The following PHLPP1 variants were observed in gnomAD, a reference collection of about 807,000 sequenced individuals.
PHLPP1 encodes PH domain and leucine rich repeat protein phosphatase 1.
A neutral mutation model predicts 117.2 loss-of-function variants in PHLPP1; 42 were observed. That is an observed-to-expected ratio of 0.36 (90% CI 0.28 to 0.46). The LOEUF is 0.46. Among genes scored for constraint, PHLPP1 ranks in the 20% least tolerant of loss-of-function variants. The pLI is 1.00. For missense variants in PHLPP1, 2,084 were observed against 2,241.9 expected, an observed-to-expected ratio of 0.93 and a Z score of 1.42; for synonymous variants, 1,042 against 970.7, an observed-to-expected ratio of 1.07 and a Z score of -1.37.
chr18:62,775,850 C>T (rs980800859), intron 1 of PHLPP1, among the ~76,000 whole-genome samples: 41 of 152,126 alleles, frequency 2.7e-4, no homozygotes, highest in African/African-American at 9.7e-4. Context: ...AATGTTTATC[C>T]TCTATCTACC....
In PHLPP1 at chr18:62,920,123, AT is replaced by A. The variant is rs748049387; in HGVS notation, c.2960+12del. The stretch of plus-strand genomic sequence containing the variant: ...CTGATGAAGGCTGACAGGTAAAGCC[AT>A]TTGTCTTGTTTATCATCTGAGTCTA... On this transcript the variant is annotated intron_variant, in intron 10 of 16. Coordinates refer to ENST00000262719, the MANE Select transcript of PHLPP1 (RefSeq NM_194449.4). The A allele has an allele frequency of 1.2e-6, 2 of 1,612,098 alleles. No homozygotes were observed. The highest frequency in any genetic ancestry group is 1.3e-5 in the African/African-American group (1 of 74,950).
intron 1 of PHLPP1, among the ~76,000 whole-genome samples, chr18:62,813,060 A>G (rs1160227520): frequency 6.6e-6 from 1 of 152,254 alleles, no homozygotes; most frequent in Non-Finnish European, 1.5e-5. Context: ...GAAGTAACAG[A>G]TGGTGAAGAC....
intron 3 of PHLPP1, among the ~76,000 whole-genome samples, chr18:62,848,065 G>C (rs1168003039): frequency 6.6e-6 from 1 of 152,148 alleles, no homozygotes; most frequent in African/African-American, 2.4e-5. Context: ...CTGTTGCTTG[G>C]TTCTCAGATA....
At position 62,776,033 on chromosome 18, in the gene PHLPP1, C is replaced by T. The variant is rs149744444; in HGVS notation, c.1577-54002C>T. Among the ~76,000 whole-genome samples, 1,181 of 152,010 alleles carry T rather than the reference C, an allele frequency of 7.8e-3. 19 individuals are homozygous for T. Among genetic ancestry groups the T allele is most frequent in the African/African-American group, 0.027 (1,131 of 41,498 alleles). The stretch of plus-strand genomic sequence containing the variant: ...ATAAGATAGCCTATCTATGTCTATA[C>T]ATAGGCATAGATATATATCTATAAA... On this transcript the variant is annotated intron_variant, in intron 1 of 16. Coordinates refer to ENST00000262719, the MANE Select transcript of PHLPP1 (RefSeq NM_194449.4).
chr18:62,898,314 T>A (rs1358473787), intron 6 of PHLPP1, among the ~76,000 whole-genome samples: 3 of 150,530 alleles, frequency 2.0e-5, no homozygotes, highest in Non-Finnish European at 4.5e-5. Flanking sequence ...CATGGATTTC[T>A]TTTTTTGCTG....
intron 11 of PHLPP1, 33 bp downstream of exon 11, chr18:62,941,951 T>C: frequency 1.3e-6 from 2 of 1,520,510 alleles, no homozygotes; most frequent in Non-Finnish European, 1.8e-6. Flanking sequence ...CGTTCTGAAT[T>C]GCATTTCTCA....
intron 6 of PHLPP1, among the ~76,000 whole-genome samples, chr18:62,902,124 T>C (rs1355073240): frequency 6.6e-6 from 1 of 152,222 alleles, no homozygotes; most frequent in Non-Finnish European, 1.5e-5. Context: ...TCCCCATTAC[T>C]ACTTATTTTC....
Position 62,836,125 on chromosome 18 carries a change from AAAAT to A in PHLPP1, c.1774-2646_1774-2643del, listed in dbSNP as rs528785081. Among the ~76,000 whole-genome samples the A allele has an allele frequency of 1.2e-3, 182 of 151,904 alleles. 4 individuals are homozygous for A. The South Asian group carries it at 0.035, about 30-fold the overall frequency. ...ATATTTTTAAATTACTGGGTTTTCT[AAAAT>A]AAATAAATAAATTAATTAATTAAAA... On this transcript the variant is annotated intron_variant, in intron 2 of 16. Transcript: ENST00000262719.
At chr18:62,835,776 C>CTTTTT (rs747058557) in intron 2 of PHLPP1, among the ~76,000 whole-genome samples, 9 of 94,518 alleles carry the variant, frequency 9.5e-5, no homozygotes, top group East Asian at 2.7e-4. Flanking sequence ...TCAACTGGTT[C>CTTTTT]TTTTTTTTTT....
At chr18:62,817,100 C>T (rs1914301350) in intron 1 of PHLPP1, among the ~76,000 whole-genome samples, 1 of 152,134 alleles carries the variant, frequency 6.6e-6, no homozygotes, top group Admixed American at 6.5e-5. Context: ...CGCCACCACA[C>T]CCAGCTAATT....
chr18:62,962,276 T>TATTTC (rs1313524365), intron 13 of PHLPP1, among the ~76,000 whole-genome samples: 1 of 152,038 alleles, frequency 6.6e-6, no homozygotes, highest in East Asian at 1.9e-4. Context: ...TATTTTATTT[T>TATTTC]ATGTTCTTTT....
chr18:62,794,111 T>C (rs1306713403), intron 1 of PHLPP1, among the ~76,000 whole-genome samples: 1 of 152,208 alleles, frequency 6.6e-6, no homozygotes, highest in Non-Finnish European at 1.5e-5. Flanking sequence ...AAACCTTCTT[T>C]TAAAACTTAA....
At chr18:62,897,200 T>C (rs890079236) in intron 6 of PHLPP1, among the ~76,000 whole-genome samples, 7 of 152,182 alleles carry the variant, frequency 4.6e-5, no homozygotes, top group African/African-American at 1.7e-4. Flanking sequence ...AGTTACCTGG[T>C]ACATGTAGGG....
chr18:62,839,291 A>G (rs1054426854), intron 3 of PHLPP1: 4 of 181,566 alleles, frequency 2.2e-5, no homozygotes, highest in Admixed American at 5.5e-5. Flanking sequence ...GTTTTTTCAT[A>G]TAAATAGTCT....
At chr18:62,829,446 G>T (rs1914695903) in intron 1 of PHLPP1, among the ~76,000 whole-genome samples, 1 of 152,178 alleles carries the variant, frequency 6.6e-6, no homozygotes, top group South Asian at 2.1e-4. Flanking sequence ...ACTTGTGAAA[G>T]ATAGGCAAGA....
chr18:62,790,959 G>T (rs1278989390), intron 1 of PHLPP1, among the ~76,000 whole-genome samples: 1 of 152,168 alleles, frequency 6.6e-6, no homozygotes, highest in Non-Finnish European at 1.5e-5. Context: ...TACTACTGCA[G>T]AAATGGGACA....
intron 1 of PHLPP1, among the ~76,000 whole-genome samples, chr18:62,794,305 C>T (rs893359108): frequency 3.3e-5 from 5 of 150,700 alleles, no homozygotes; most frequent in Admixed American, 6.6e-5. Context: ...TATTAGTCTG[C>T]GATTTTGGAT....
intron 10 of PHLPP1, among the ~76,000 whole-genome samples, chr18:62,925,574 T>A (rs1909605006): frequency 6.6e-6 from 1 of 150,916 alleles, no homozygotes. Context: ...TAGAAGAGCA[T>A]GATCGATTGA....
chr18:62,729,735 A>G (rs1484992851), intron 1 of PHLPP1, among the ~76,000 whole-genome samples: 2 of 152,200 alleles, frequency 1.3e-5, no homozygotes, highest in Non-Finnish European at 2.9e-5. Flanking sequence ...TGTATGTAAC[A>G]GTGCTTTCTT....
Sources: allele counts gnomAD v4.1 joint callset (sites outside exome capture counted in the v4.1 genomes callset), GRCh38; gene constraint gnomAD v4.1.1; transcripts MANE v1.5; gene names NCBI Gene and HGNC (gene_info 2026-07-23, HGNC 2026-07-21).